Variants in ERC2 observed in about 807,000 individuals in gnomAD.
ERC2 encodes the protein ELKS/RAB6-interacting/CAST family member 2.
A neutral mutation model predicts 114.8 loss-of-function variants in ERC2; 42 were observed. That is an observed-to-expected ratio of 0.37 (90% CI 0.29 to 0.47). ERC2 has a LOEUF of 0.47. Among genes scored for constraint, ERC2 ranks in the 20% least tolerant of loss-of-function variants. The pLI is 0.99. For synonymous variants in ERC2, 454 were observed against 425.5 expected, an observed-to-expected ratio of 1.07 and a Z score of -0.82; for missense variants, 939 against 1,150.7, an observed-to-expected ratio of 0.82 and a Z score of 2.66.
intron 3 of ERC2, among the ~76,000 whole-genome samples, chr3:56,283,050 A>G (rs1186166342): frequency 6.6e-6 from 1 of 152,184 alleles, no homozygotes; most frequent in African/African-American, 2.4e-5. Flanking sequence ...ATATCCTCAA[A>G]TGTCCACTAA....
intron 15 of ERC2, among the ~76,000 whole-genome samples, chr3:55,720,915 C>T (rs1365785464): frequency 6.6e-6 from 1 of 152,108 alleles, no homozygotes. Context: ...AGACCTTGCC[C>T]CAGAGAAGAT....
At chr3:55,645,002 C>T (rs1013226888) in intron 17 of ERC2, among the ~76,000 whole-genome samples, 4 of 151,976 alleles carry the variant, frequency 2.6e-5, no homozygotes, top group African/African-American at 4.8e-5. Flanking sequence ...GAACTTCCCC[C>T]GTTTAAATAC....
At chr3:56,017,466 C>A (rs1035110399) in intron 8 of ERC2, among the ~76,000 whole-genome samples, 14 of 152,090 alleles carry the variant, frequency 9.2e-5, no homozygotes, top group Non-Finnish European at 1.2e-4. Flanking sequence ...CATCCCATCC[C>A]CTTCAAAGTA....
At chr3:56,367,147 T>C (rs1362620974) in intron 2 of ERC2, among the ~76,000 whole-genome samples, 3 of 152,170 alleles carry the variant, frequency 2.0e-5, no homozygotes, top group South Asian at 2.1e-4. Context: ...CATACCTCAT[T>C]TCATCAATGT....
chr3:56,060,348 CT>C (rs1452039527), intron 7 of ERC2, among the ~76,000 whole-genome samples: 1 of 152,214 alleles, frequency 6.6e-6, no homozygotes, highest in African/African-American at 2.4e-5. Context: ...ATTATCTGTA[CT>C]TTCCTTTTCC....
chr3:55,696,098 C>G (rs189581896), intron 16 of ERC2, among the ~76,000 whole-genome samples: 81 of 152,158 alleles, frequency 5.3e-4, no homozygotes, highest in Admixed American at 9.2e-4. Flanking sequence ...TTCAGTTTCT[C>G]TTAAGGAGCA....
At chr3:56,077,694 C>T (rs1249596037) in intron 7 of ERC2, among the ~76,000 whole-genome samples, 3 of 152,190 alleles carry the variant, frequency 2.0e-5, no homozygotes, top group African/African-American at 7.2e-5. Context: ...TTCACTCTCA[C>T]ACCTGGTGTC....
At position 55,570,530 on chromosome 3, in the gene ERC2, G is replaced by A. The variant is rs138686164; in HGVS notation, c.*40-59254C>T. ...GGGAGGGCCAGGGGGAGCTGCAGCC[G>A]GATGATGCATGGGGCTGTTCTGCAG... On this transcript the variant is annotated intron_variant, in intron 17 of 17. Coordinates refer to ENST00000288221, the MANE Select transcript of ERC2 (RefSeq NM_015576.3). 1.7e-3 allele frequency among the ~76,000 whole-genome samples: 253 copies of A among 152,212 alleles called. 1 individual carries two copies. Among genetic ancestry groups the A allele is most frequent in the Admixed American group, 2.7e-3 (41 of 15,292 alleles).
intron 17 of ERC2, among the ~76,000 whole-genome samples, chr3:55,551,575 G>C (rs2055213292): frequency 1.3e-5 from 2 of 152,080 alleles, no homozygotes; most frequent in Non-Finnish European, 2.9e-5. Flanking sequence ...ATTGGCTCAC[G>C]TGTTTAGAGG....
intron 17 of ERC2, among the ~76,000 whole-genome samples, chr3:55,609,237 C>T (rs1023221677): frequency 6.6e-6 from 1 of 152,086 alleles, no homozygotes; most frequent in Non-Finnish European, 1.5e-5. Flanking sequence ...ACACATTTGC[C>T]CCCACTTTTA....
intron 14 of ERC2, among the ~76,000 whole-genome samples, chr3:55,758,627 A>T (rs1194021041): frequency 6.6e-6 from 1 of 152,220 alleles, no homozygotes; most frequent in African/African-American, 2.4e-5. Context: ...TCGCTAGCCT[A>T]CACGCCAAGG....
At chr3:56,223,883 CAT>C (rs2050086518) in intron 3 of ERC2, among the ~76,000 whole-genome samples, 1 of 152,210 alleles carries the variant, frequency 6.6e-6, no homozygotes, top group East Asian at 1.9e-4. Context: ...GCTAATTCTA[CAT>C]GTTAATTCAA....
At chr3:56,293,467 G>A (rs189714111) in intron 3 of ERC2, among the ~76,000 whole-genome samples, 5 of 152,180 alleles carry the variant, frequency 3.3e-5, no homozygotes, top group Admixed American at 1.3e-4. Flanking sequence ...TCCAGGCTAC[G>A]TGTGGTTTAA....
At chr3:55,992,555 T>C (rs1251117245) in intron 10 of ERC2, among the ~76,000 whole-genome samples, 2 of 152,332 alleles carry the variant, frequency 1.3e-5, no homozygotes, top group East Asian at 1.9e-4. Flanking sequence ...TACTGTGATG[T>C]CTTTATTCCC....
At chr3:55,528,630 C>G (rs2053483670) in intron 17 of ERC2, among the ~76,000 whole-genome samples, 1 of 152,170 alleles carries the variant, frequency 6.6e-6, no homozygotes, top group South Asian at 2.1e-4. Context: ...ACAGATATTT[C>G]TTGAGCATCC....
At chr3:55,917,522 T>C (rs570654351) in intron 13 of ERC2, among the ~76,000 whole-genome samples, 1 of 152,300 alleles carries the variant, frequency 6.6e-6, no homozygotes, top group East Asian at 1.9e-4. Flanking sequence ...TCCATTTATA[T>C]GAAATATATG....
intron 3 of ERC2, among the ~76,000 whole-genome samples, chr3:56,250,459 T>C (rs2052067172): frequency 6.6e-6 from 1 of 152,186 alleles, no homozygotes; most frequent in Admixed American, 6.5e-5. Flanking sequence ...TGGAATAAGA[T>C]CTAAGAGGGC....
At chr3:55,909,272 A>G (rs2064657756) in intron 13 of ERC2, among the ~76,000 whole-genome samples, 1 of 152,220 alleles carries the variant, frequency 6.6e-6, no homozygotes, top group Non-Finnish European at 1.5e-5. Context: ...AACTGGGAAC[A>G]TTCCTTGGCC....
intron 14 of ERC2, among the ~76,000 whole-genome samples, chr3:55,878,330 C>T (rs1045901237): frequency 2.0e-4 from 30 of 152,176 alleles, no homozygotes; most frequent in African/African-American, 6.5e-4. Context: ...CAGTGTGTCC[C>T]TTATTTTGTT....
Sources: allele counts gnomAD v4.1 joint callset (sites outside exome capture counted in the v4.1 genomes callset), GRCh38; gene constraint gnomAD v4.1.1; transcripts MANE v1.5; gene names NCBI Gene and HGNC (gene_info 2026-07-23, HGNC 2026-07-21).